The following SLC12A7 variants were observed in gnomAD, a reference collection of about 807,000 sequenced individuals.
SLC12A7 encodes the protein K-Cl cotransporter 4.
A neutral mutation model predicts 120.6 loss-of-function variants in SLC12A7; 100 were observed. The observed-to-expected ratio is 0.83, with a 90% confidence interval of 0.71 to 0.98. The LOEUF (loss-of-function observed/expected upper bound fraction) is 0.98. SLC12A7 is among the 50% of genes least tolerant of loss of function. The pLI is 0.00. For missense variants in SLC12A7, 1,373 were observed against 1,548.1 expected, an observed-to-expected ratio of 0.89 and a Z score of 1.90; for synonymous variants, 760 against 678.0, an observed-to-expected ratio of 1.12 and a Z score of -1.88.
At position 1,050,674 on chromosome 5, in the gene SLC12A7, TCTC is replaced by T. The variant is rs1479239556; in HGVS notation, c.*1683_*1685del. 2.5e-6 allele frequency: 1 copy of T among 393,254 alleles called. No individual in the cohort carries two copies. Among genetic ancestry groups the T allele is most frequent in the African/African-American group, 2.1e-5 (1 of 48,498 alleles). The allele number at this position is 393,254 out of a possible 1,614,324, so 24.4% of individuals were successfully genotyped here. On this transcript the variant is annotated 3_prime_UTR_variant, in exon 24 of 24. Coordinates refer to ENST00000264930, the MANE Select transcript of SLC12A7 (RefSeq NM_006598.3). ...TGTGGCCGCTGTGCCTCTAGCCTGC[TCTC>T]CTCCAGGTGCAGGGGACACAGGACC... is the stretch of plus-strand genomic sequence containing the variant.
chr5:1,079,312 G>A lies in SLC12A7; in HGVS notation c.1396+86C>T, dbSNP rs1211822963. The stretch of plus-strand genomic sequence containing the variant: ...CCTGGGAAGTCACATGCTGGTGGCC[G>A]AGGGTATGATGCTGAGCCGGGGAGG... On this transcript the variant is annotated intron_variant, in intron 10 of 23. Coordinates refer to ENST00000264930, the MANE Select transcript of SLC12A7 (RefSeq NM_006598.3). 2.0e-5 allele frequency: 21 copies of A among 1,037,912 alleles called. 1 individual carries two copies. In the Middle Eastern group the frequency reaches 7.5e-4, roughly 37 times the overall value. The allele number at this position is 1,037,912 out of a possible 1,614,324, so 64.3% of individuals were successfully genotyped here. A position where few individuals can be genotyped will look rare whatever the true frequency, so the allele number is the denominator to read the frequency against.
At chr5:1,054,769 T>A (rs904956231) in intron 22 of SLC12A7, among the ~76,000 whole-genome samples, 1 of 152,232 alleles carries the variant, frequency 6.6e-6, no homozygotes, top group African/African-American at 2.4e-5. Context: ...ATAAACGTGA[T>A]CATAACCACC....
At chr5:1,092,490 C>T (rs1371532954) in intron 3 of SLC12A7, among the ~76,000 whole-genome samples, 1 of 152,192 alleles carries the variant, frequency 6.6e-6, no homozygotes, top group Middle Eastern at 3.2e-3. Flanking sequence ...CAAAACCCTC[C>T]CTTCTGAGAA....
chr5:1,096,737 A>AGGG (rs1741205203), intron 1 of SLC12A7, among the ~76,000 whole-genome samples: 1 of 14,198 alleles, frequency 7.0e-5, no homozygotes. Context: ...GGGAGGGGGG[A>AGGG]AGGGAGGGAA....
At chr5:1,118,143 G>A in the SLC12A7 span, among the ~76,000 whole-genome samples, 1 of 152,132 alleles carries the variant, frequency 6.6e-6, no homozygotes, top group Admixed American at 6.5e-5. Flanking sequence ...TAAAACTCCG[G>A]TCTCCCACAC....
intron 1 of SLC12A7, among the ~76,000 whole-genome samples, 169 bp downstream of exon 1, chr5:1,111,699 T>C (rs1476659152): frequency 6.6e-6 from 1 of 151,986 alleles, no homozygotes; most frequent in Non-Finnish European, 1.5e-5. Flanking sequence ...GCGCTGCCAC[T>C]AACGTGGGGT....
intron 14 of SLC12A7, 107 bp downstream of exon 14, chr5:1,076,031 C>T: frequency 1.1e-6 from 1 of 940,342 alleles, no homozygotes; most frequent in South Asian, 1.7e-5. Context: ...ACCCAGTGTC[C>T]CAGCCTGTGG....
At chr5:1,118,170 A>G in the SLC12A7 span, among the ~76,000 whole-genome samples, 9 of 151,644 alleles carry the variant, frequency 5.9e-5, no homozygotes, top group South Asian at 4.2e-4. Flanking sequence ...CTCTGCGTGA[A>G]TCCCTCTTTC....
At chr5:1,155,748 G>A in the SLC12A7 span, among the ~76,000 whole-genome samples, 1 of 150,926 alleles carries the variant, frequency 6.6e-6, no homozygotes, top group Admixed American at 6.6e-5. Flanking sequence ...CGCGGCTGCG[G>A]GGTCCAGGCC....
chr5:1,115,216 C>T (rs1743267761), upstream of SLC12A7, among the ~76,000 whole-genome samples: 1 of 152,212 alleles, frequency 6.6e-6, no homozygotes, highest in African/African-American at 2.4e-5. Flanking sequence ...CCAGGGGAAC[C>T]CTGGGATTTA....
the SLC12A7 span, among the ~76,000 whole-genome samples, chr5:1,128,395 C>T: frequency 6.6e-6 from 1 of 152,254 alleles, no homozygotes. Context: ...ACAAAAGCCA[C>T]CAGCAATGCA....
chr5:1,055,414 G>A (rs570882046), intron 22 of SLC12A7, among the ~76,000 whole-genome samples: 6 of 152,310 alleles, frequency 3.9e-5, no homozygotes, highest in Middle Eastern at 3.4e-3. Context: ...GTGTGCTCCC[G>A]GGGACGTCAC....
At chr5:1,140,803 G>A in the SLC12A7 span, among the ~76,000 whole-genome samples, 2 of 152,236 alleles carry the variant, frequency 1.3e-5, no homozygotes, top group African/African-American at 2.4e-5. Flanking sequence ...AGCACTGGCT[G>A]GGGAGGGATG....
chr5:1,102,182 C>T (rs1350749515), intron 1 of SLC12A7, among the ~76,000 whole-genome samples: 1 of 152,138 alleles, frequency 6.6e-6, no homozygotes, highest in Non-Finnish European at 1.5e-5. Context: ...ACCAGACACA[C>T]GAGTGTCCCG....
At chr5:1,130,069 C>A in the SLC12A7 span, among the ~76,000 whole-genome samples, 5 of 152,184 alleles carry the variant, frequency 3.3e-5, no homozygotes, top group African/African-American at 1.2e-4. Flanking sequence ...CACGACTTTA[C>A]TTCTGGATGT....
Position 1,098,004 on chromosome 5 carries a change from T to A in SLC12A7, c.125-3756A>T, listed in dbSNP as rs974177886. On this transcript the variant is annotated intron_variant, in intron 1 of 23. Transcript: ENST00000264930. Reference sequence around the variant, plus strand: ...GAACCAAGAGTGCGTCCCGGGGACGTCATGGGCTCAATGCCATCCCAGTCA... The same window carrying A: ...GAACCAAGAGTGCGTCCCGGGGACGACATGGGCTCAATGCCATCCCAGTCA... Among the ~76,000 whole-genome samples the A allele has an allele frequency of 3.9e-5, 6 of 151,928 alleles. 1 individual carries two copies. Among genetic ancestry groups the A allele is most frequent in the African/African-American group, 1.5e-4 (6 of 41,302 alleles).
the SLC12A7 span, among the ~76,000 whole-genome samples, chr5:1,137,425 C>T: frequency 6.6e-6 from 1 of 152,214 alleles, no homozygotes; most frequent in Non-Finnish European, 1.5e-5. Flanking sequence ...AGCTCAGCAC[C>T]TGCCAGGGAC....
At chr5:1,074,166 G>C (rs1025003282) in intron 16 of SLC12A7, among the ~76,000 whole-genome samples, 4 of 152,086 alleles carry the variant, frequency 2.6e-5, no homozygotes, top group African/African-American at 9.7e-5. Context: ...CCCCCACCGA[G>C]GCCCTGAGGG....
intron 21 of SLC12A7, among the ~76,000 whole-genome samples, chr5:1,058,292 C>T (rs1735838408): frequency 6.6e-6 from 1 of 152,276 alleles, no homozygotes. Context: ...ACCAATGGCG[C>T]AGCCCCTGGT....
Sources: gnomAD v4.1 joint callset for allele counts (sites outside exome capture counted in the v4.1 genomes callset) on GRCh38, gnomAD v4.1.1 for gene constraint, MANE v1.5 for transcripts, NCBI Gene and HGNC (gene_info 2026-07-23, HGNC 2026-07-21) for gene names.